Variants in RNF32 observed in about 807,000 individuals in gnomAD.
The protein encoded by RNF32 is ring finger protein 32.
RNF32 carries 36 observed loss-of-function variants against 41.0 expected under a neutral mutation model. That is an observed-to-expected ratio of 0.88 (90% CI 0.67 to 1.16). The LOEUF (loss-of-function observed/expected upper bound fraction) is 1.16, where lower values mean the gene tolerates loss of function less well. RNF32 is among the 50% of genes most tolerant of loss of function. The probability of loss-of-function intolerance (pLI) is 0.00; values close to 1 mark genes in which losing one functional copy is unlikely to be tolerated. For synonymous variants in RNF32, 154 were observed against 160.9 expected (o/e 0.96, Z 0.32); for missense variants, 413 against 436.7 (o/e 0.95, Z 0.48).
intron 7 of RNF32, among the ~76,000 whole-genome samples, chr7:156,671,364 A>G (rs1205029729): frequency 2.6e-5 from 4 of 152,206 alleles, no homozygotes; most frequent in Non-Finnish European, 4.4e-5. Flanking sequence ...TATATGTACT[A>G]TAATATACAC....
At chr7:156,659,569 T>G (rs1343072983) in intron 7 of RNF32, 1 of 971,588 alleles carries the variant, frequency 1.0e-6, no homozygotes, top group Non-Finnish European at 1.2e-6. Flanking sequence ...AAGTGATTTT[T>G]TGTCACCTCT....
intron 7 of RNF32, among the ~76,000 whole-genome samples, chr7:156,663,171 A>G (rs1046893961): frequency 2.6e-5 from 4 of 152,204 alleles, no homozygotes; most frequent in African/African-American, 7.2e-5. Flanking sequence ...CACTAGAACT[A>G]GAATGAAATT....
At chr7:156,675,268 C>T (rs1376201930) in intron 7 of RNF32, among the ~76,000 whole-genome samples, 2 of 152,232 alleles carry the variant, frequency 1.3e-5, no homozygotes, top group African/African-American at 4.8e-5. Context: ...CGGTGGGAAC[C>T]ACGGCAAGGC....
At position 156,662,847 on chromosome 7, in the gene RNF32, C is replaced by CT. The variant is rs55909570; in HGVS notation, c.684+4295dup. ...TATTAAATAAAATTTAACAGCCATT[C>CT]TTTTTTTTTTTTTTTTTTGAGGCAC... is the stretch of plus-strand genomic sequence containing the variant. On this transcript the variant is annotated intron_variant, in intron 7 of 8. Transcript: ENST00000317955. Among the ~76,000 whole-genome samples the CT allele has an allele frequency of 9.1e-3, 1,183 of 130,448 alleles. 15 individuals carry two copies. Among genetic ancestry groups the CT allele is most frequent in the East Asian group, 0.034 (153 of 4,564 alleles). 85.6% of individuals were successfully genotyped at this position (130,448 alleles called of 152,430 possible). A position where few individuals can be genotyped will look rare whatever the true frequency, so the allele number is the denominator to read the frequency against.
chr7:156,659,575 CCT>C, intron 7 of RNF32: 3 of 968,460 alleles, frequency 3.1e-6, no homozygotes, highest in African/African-American at 1.8e-5. Context: ...TTTTTTGTCA[CCT>C]CTTATACAAT....
At chr7:156,674,514 G>C (rs1055893535) in intron 7 of RNF32, among the ~76,000 whole-genome samples, 1 of 152,300 alleles carries the variant, frequency 6.6e-6, no homozygotes, top group South Asian at 2.1e-4. Context: ...GTGTGGCCCT[G>C]AATGAGCCAC....
intron 1 of RNF32, among the ~76,000 whole-genome samples, chr7:156,643,400 C>T (rs150314266): frequency 1.3e-5 from 2 of 152,336 alleles, no homozygotes; most frequent in Non-Finnish European, 2.9e-5. Flanking sequence ...CCTGCCAGTT[C>T]TTTCCTCCTA....
At chr7:156,658,289 C>T (rs758184397) in intron 6 of RNF32, 37 bp downstream of exon 6, 1 of 1,608,552 alleles carries the variant, frequency 6.2e-7, no homozygotes, top group Admixed American at 1.7e-5. Flanking sequence ...TAAGCAGACA[C>T]AGATCAGGCT....
Position 156,676,220 on chromosome 7 carries a change from C to T in RNF32, c.853-199C>T, listed in dbSNP as rs189668736. On this transcript the variant is annotated intron_variant, in intron 8 of 8. Coordinates refer to ENST00000317955, the MANE Select transcript of RNF32 (RefSeq NM_030936.4). Reference sequence around the variant, plus strand: ...GGTTACTAACCCTTTCCACAGTTCCCAGGAGTAACAGAGTATATGTGTGTG... The same window carrying T: ...GGTTACTAACCCTTTCCACAGTTCCTAGGAGTAACAGAGTATATGTGTGTG... The T allele has an allele frequency of 3.5e-4, 520 of 1,497,896 alleles. 1 individual carries two copies. The highest frequency in any genetic ancestry group is 8.7e-4 in the Middle Eastern group (4 of 4,576). 92.8% of individuals were successfully genotyped at this position (1,497,896 alleles called of 1,614,324 possible).
chr7:156,641,251 C>A (rs1207662393), intron 1 of RNF32, among the ~76,000 whole-genome samples: 2 of 152,172 alleles, frequency 1.3e-5, no homozygotes, highest in Non-Finnish European at 2.9e-5. Context: ...CAAGACCCTA[C>A]GTAGGATTGC....
chr7:156,653,202 A>G (rs947359677), intron 3 of RNF32, among the ~76,000 whole-genome samples: 2 of 152,104 alleles, frequency 1.3e-5, no homozygotes, highest in Non-Finnish European at 2.9e-5. Flanking sequence ...TTTTTACTAT[A>G]CCTTTTCCAT....
chr7:156,644,759 T>A lies in RNF32; in HGVS notation c.274+2T>A. 1.4e-5 allele frequency: 22 copies of A among 1,603,524 alleles called. No individual in the cohort carries two copies. The highest frequency in any genetic ancestry group is 1.9e-5 in the Non-Finnish European group (22 of 1,177,988). On this transcript the variant is annotated splice_donor_variant, in intron 3 of 8. Coordinates refer to ENST00000317955, the MANE Select transcript of RNF32 (RefSeq NM_030936.4). LOFTEE classifies it high-confidence loss of function. ...CCAAACCGCCGCCGTTGACTTTGGG[T>A]AAGCTGACGTAGTCATTCATCTTTT...
chr7:156,665,635 C>G (rs1011916666), intron 7 of RNF32, among the ~76,000 whole-genome samples: 1 of 152,120 alleles, frequency 6.6e-6, no homozygotes, highest in Admixed American at 6.5e-5. Flanking sequence ...TCACATGACG[C>G]ACTCCAAAGT....
chr7:156,656,551 A>G (rs1297384040), intron 4 of RNF32, among the ~76,000 whole-genome samples: 1 of 152,204 alleles, frequency 6.6e-6, no homozygotes, highest in South Asian at 2.1e-4. Context: ...AGGTTTTACA[A>G]CTTTCTGAGT....
chr7:156,654,071 T>C (rs554496348), intron 3 of RNF32: 4 of 152,266 alleles, frequency 2.6e-5, no homozygotes, highest in African/African-American at 4.8e-5. Flanking sequence ...AATAAACGTA[T>C]TGAAAATGTC....
intron 7 of RNF32, among the ~76,000 whole-genome samples, chr7:156,662,194 T>C (rs1800757768): frequency 6.6e-6 from 1 of 152,238 alleles, no homozygotes; most frequent in African/African-American, 2.4e-5. Flanking sequence ...CTGTCCTTTA[T>C]AATAAAGACC....
intron 7 of RNF32, among the ~76,000 whole-genome samples, chr7:156,663,013 A>C (rs957032985): frequency 1.3e-5 from 2 of 151,928 alleles, no homozygotes; most frequent in African/African-American, 2.4e-5. Context: ...ATGCCCGGCT[A>C]ATTGTAGAGA....
intron 1 of RNF32, among the ~76,000 whole-genome samples, chr7:156,641,771 G>A (rs1797358284): frequency 6.6e-6 from 1 of 152,182 alleles, no homozygotes; most frequent in Admixed American, 6.5e-5. Flanking sequence ...TTGGAAGCAG[G>A]AACTGAGAAA....
intron 1 of RNF32, among the ~76,000 whole-genome samples, chr7:156,641,603 G>A (rs1797329271): frequency 6.6e-6 from 1 of 152,166 alleles, no homozygotes; most frequent in Admixed American, 6.5e-5. Context: ...TAATGATACC[G>A]TAGGACTTTA....
Sources: allele counts gnomAD v4.1 joint callset (sites outside exome capture counted in the v4.1 genomes callset), GRCh38; gene constraint gnomAD v4.1.1; transcripts MANE v1.5; gene names NCBI Gene and HGNC (gene_info 2026-07-23, HGNC 2026-07-21).